Variants in SORBS2 observed in about 807,000 individuals in gnomAD.
The protein encoded by SORBS2 is sorbin and SH3 domain-containing protein 2.
Under a neutral mutation model 97.7 loss-of-function variants are expected in SORBS2, and 46 were observed. That is an observed-to-expected ratio of 0.47 (90% CI 0.37 to 0.60). The LOEUF (loss-of-function observed/expected upper bound fraction) is 0.60, where lower values mean the gene tolerates loss of function less well. Ranked by LOEUF, SORBS2 falls within the 20% of genes least tolerant of loss-of-function variation. SORBS2 has a pLI of 0.00. For synonymous variants in SORBS2, 476 were observed against 473.4 expected, an observed-to-expected ratio of 1.01 and a Z score of -0.07; for missense variants, 1,316 against 1,282.3, an observed-to-expected ratio of 1.03 and a Z score of -0.40.
At chr4:185,759,515 G>A (rs780206639) in intron 2 of SORBS2, among the ~76,000 whole-genome samples, 24 of 152,134 alleles carry the variant, frequency 1.6e-4, no homozygotes, top group Non-Finnish European at 3.2e-4. Flanking sequence ...GAACGCAGGT[G>A]CAACAATTCA....
intron 1 of SORBS2, among the ~76,000 whole-genome samples, chr4:185,858,213 T>C (rs745956860): frequency 2.6e-5 from 4 of 152,166 alleles, no homozygotes; most frequent in Non-Finnish European, 5.9e-5. Context: ...AGAACCTACG[T>C]TGAAATATTG....
intron 1 of SORBS2, among the ~76,000 whole-genome samples, chr4:185,907,806 T>C (rs1367246093): frequency 6.6e-6 from 1 of 152,168 alleles, no homozygotes; most frequent in Non-Finnish European, 1.5e-5. Context: ...ACAATTCAGT[T>C]TAAGTCATTT....
At chr4:185,806,114 G>A (rs545311888) in intron 1 of SORBS2, among the ~76,000 whole-genome samples, 107 of 152,342 alleles carry the variant, frequency 7.0e-4, no homozygotes, top group Admixed American at 3.9e-3. Context: ...TCAATAGGTG[G>A]AAGAGGATTC....
At chr4:185,917,783 A>G (rs1365870968) in intron 1 of SORBS2, among the ~76,000 whole-genome samples, 1 of 152,020 alleles carries the variant, frequency 6.6e-6, no homozygotes, top group Non-Finnish European at 1.5e-5. Context: ...GAACTGGGGG[A>G]CACCCTACTG....
chr4:185,894,203 A>C (rs1441395451), intron 1 of SORBS2: 1 of 152,208 alleles, frequency 6.6e-6, no homozygotes, highest in Non-Finnish European at 1.5e-5. Flanking sequence ...ATGGGAACAT[A>C]TTGAAGGAAA....
intron 5 of SORBS2, among the ~76,000 whole-genome samples, 173 bp from the exon 18 acceptor site, chr4:185,627,192 C>A (rs571892541): frequency 5.3e-5 from 8 of 152,280 alleles, no homozygotes; most frequent in Admixed American, 5.2e-4. Flanking sequence ...CTAGAAGGAT[C>A]TTTTAAAAAA....
At chr4:185,755,506 C>T (rs2098825256) in intron 2 of SORBS2, among the ~76,000 whole-genome samples, 1 of 152,196 alleles carries the variant, frequency 6.6e-6, no homozygotes, top group African/African-American at 2.4e-5. Context: ...CAGTTTTCTA[C>T]TCATAAAATA....
At chr4:185,849,473 C>CA (rs1554040903) in intron 1 of SORBS2, among the ~76,000 whole-genome samples, 1 of 44,952 alleles carries the variant, frequency 2.2e-5, no homozygotes, top group Non-Finnish European at 4.6e-5. Context: ...CTCTCCCTGC[C>CA]ATTTTTTTTT....
At chr4:185,853,954 A>C (rs2099219339) in intron 1 of SORBS2, among the ~76,000 whole-genome samples, 1 of 152,262 alleles carries the variant, frequency 6.6e-6, no homozygotes, top group Admixed American at 6.5e-5. Flanking sequence ...TACTCTGGTT[A>C]CTTATAGGAG....
In SORBS2 at chr4:185,623,244, C is replaced by T. The variant is rs762094072; in HGVS notation, c.1885G>A (p.Ala629Thr). The stretch of plus-strand genomic sequence containing the variant: ...GAGTCCAGAGCCTCAAACACAGATG[C>T]TTTACATTTTGCCTTTTCAGTCTGT... Residue 629 changes from alanine to threonine, a missense_variant, in exon 7 of 15, where the codon GCA becomes ACA. By Grantham distance (58) the Ala-to-Thr change is moderately conservative. Coordinates refer to ENST00000418609, the Ensembl canonical transcript of SORBS2. This position sits in a 1 kb window ranked among gnomAD's most constrained non-coding sequence, Gnocchi z 6.4. 2.5e-6 allele frequency: 4 copies of T among 1,614,134 alleles called. No homozygotes were observed. The highest frequency in any genetic ancestry group is 3.4e-6 in the Non-Finnish European group (4 of 1,180,022).
At chr4:185,813,073 C>G (rs1460732708) in intron 1 of SORBS2, 2 of 152,180 alleles carry the variant, frequency 1.3e-5, no homozygotes, top group African/African-American at 4.8e-5. Context: ...TTCTGCAGAA[C>G]CCCCAGGCTT....
At chr4:185,589,602 A>G (rs2095872604) in intron 14 of SORBS2, 77 bp downstream of exon 26, 1 of 824,762 alleles carries the variant, frequency 1.2e-6, no homozygotes, top group African/African-American at 1.7e-5. Context: ...CTCGGCCATC[A>G]CAGCAAACCA....
chr4:185,590,028 G>A (rs1486293979), intron 13 of SORBS2, among the ~76,000 whole-genome samples: 4 of 152,128 alleles, frequency 2.6e-5, no homozygotes, highest in Admixed American at 6.6e-5. Flanking sequence ...TGAAACTCAC[G>A]AGGAATATCC....
At chr4:185,844,287 T>C (rs908687312) in intron 1 of SORBS2, among the ~76,000 whole-genome samples, 5 of 152,096 alleles carry the variant, frequency 3.3e-5, no homozygotes, top group Admixed American at 6.5e-5. Flanking sequence ...AATTCAAAAA[T>C]GGGCAAAGGG....
intron 2 of SORBS2, chr4:185,773,474 T>C (rs1246482652): frequency 6.6e-6 from 1 of 152,260 alleles, no homozygotes; most frequent in Non-Finnish European, 1.5e-5. Flanking sequence ...CATCTGCTCC[T>C]AATCCAGGGA....
At chr4:185,883,368 C>T (rs974168835) in intron 1 of SORBS2, among the ~76,000 whole-genome samples, 2 of 152,132 alleles carry the variant, frequency 1.3e-5, no homozygotes, top group African/African-American at 4.8e-5. Context: ...TATTTTAAAA[C>T]CTGACAGTAT....
At chr4:185,762,827 T>G (rs1388542446) in intron 2 of SORBS2, among the ~76,000 whole-genome samples, 1 of 152,228 alleles carries the variant, frequency 6.6e-6, no homozygotes, top group Non-Finnish European at 1.5e-5. Context: ...ATGAACGAGT[T>G]AAGAACATGG....
At chr4:185,666,509 A>G (rs2097602956) in intron 4 of SORBS2, among the ~76,000 whole-genome samples, 1 of 152,176 alleles carries the variant, frequency 6.6e-6, no homozygotes, top group African/African-American at 2.4e-5. Context: ...TAGTTTTTGT[A>G]TTTGTGACAA....
intron 2 of SORBS2, among the ~76,000 whole-genome samples, chr4:185,739,507 A>G (rs1354027506): frequency 6.6e-6 from 1 of 152,190 alleles, no homozygotes; most frequent in Admixed American, 6.5e-5. Flanking sequence ...AAGCATTCTA[A>G]ATTGATGTTA....
Sources: allele counts gnomAD v4.1 joint callset (sites outside exome capture counted in the v4.1 genomes callset), GRCh38; gene constraint gnomAD v4.1.1; non-coding constraint Gnocchi (gnomAD v3.1); transcripts MANE v1.5; gene names NCBI Gene and HGNC (gene_info 2026-07-23, HGNC 2026-07-21).